The following TOX variants were observed in gnomAD, a reference collection of about 807,000 sequenced individuals.
TOX encodes thymocyte selection-associated high mobility group box protein TOX.
Under a neutral mutation model 53.7 loss-of-function variants are expected in TOX, and 11 were observed. That is an observed-to-expected ratio of 0.20 (90% CI 0.13 to 0.34). The LOEUF (loss-of-function observed/expected upper bound fraction) is 0.34. TOX is among the 10% of genes least tolerant of loss of function. The pLI is 1.00. For synonymous variants in TOX, 225 were observed against 245.3 expected, an observed-to-expected ratio of 0.92 and a Z score of 0.77; for missense variants, 570 against 664.6, an observed-to-expected ratio of 0.86 and a Z score of 1.56.
intron 1 of TOX, among the ~76,000 whole-genome samples, chr8:58,999,575 A>T (rs2129418029): frequency 6.6e-6 from 1 of 152,324 alleles, no homozygotes; most frequent in Admixed American, 6.5e-5. Flanking sequence ...TGAAATATGA[A>T]ATATGAATTA....
At position 59,090,580 on chromosome 8, in the gene TOX, T is replaced by C. The variant is rs7822038; in HGVS notation, c.102+28306A>G. Among the ~76,000 whole-genome samples, 1,445 of 152,298 alleles carry C rather than the reference T, an allele frequency of 9.5e-3. 33 individuals carry two copies. The highest frequency in any genetic ancestry group is 0.033 in the African/African-American group (1,388 of 41,542). ...GATGCTGGGAAGAGTTTGATGTAAC[T>C]TTCTTAAGGTCATGAGCTCCTCAGA... On this transcript the variant is annotated intron_variant, in intron 1 of 8. Transcript: ENST00000361421.
chr8:59,027,615 C>T (rs189667822), intron 1 of TOX, among the ~76,000 whole-genome samples: 2 of 152,256 alleles, frequency 1.3e-5, no homozygotes, highest in Admixed American at 1.3e-4. Flanking sequence ...TGTTTCCTCT[C>T]ATCATTAAGC....
intron 3 of TOX, among the ~76,000 whole-genome samples, chr8:58,904,681 T>C (rs940475264): frequency 6.6e-6 from 1 of 152,226 alleles, no homozygotes; most frequent in Non-Finnish European, 1.5e-5. Context: ...ATGACTGCAT[T>C]GTCTACTTTT....
chr8:58,813,040 G>T (rs915387899), intron 7 of TOX, among the ~76,000 whole-genome samples: 2 of 152,192 alleles, frequency 1.3e-5, no homozygotes, highest in Non-Finnish European at 2.9e-5. Context: ...TGGGTAAATT[G>T]TAATCAGGTC....
At chr8:59,014,766 G>T (rs1813978017) in intron 1 of TOX, among the ~76,000 whole-genome samples, 1 of 152,118 alleles carries the variant, frequency 6.6e-6, no homozygotes, top group African/African-American at 2.4e-5. Flanking sequence ...AATAATGGTG[G>T]TGTGAATTAT....
Position 58,851,158 on chromosome 8 carries a change from G to GTCTCTCTCTCTCTCTCTCTC in TOX, c.693+346_693+365dup, listed in dbSNP as rs560478337. ...CACCATACATCTCCTCTCTCTCTCT[G>GTCTCTCTCTCTCTCTCTCTC]TCTCTCTCTCTCTCTCTCTCTCTCT... On this transcript the variant is annotated intron_variant, in intron 4 of 8. Coordinates refer to ENST00000361421, the MANE Select transcript of TOX (RefSeq NM_014729.3). The surrounding 1 kb of genome is among the most constrained non-coding windows in gnomAD (Gnocchi z 4.4). Among the ~76,000 whole-genome samples, 20 of 118,294 alleles carry GTCTCTCTCTCTCTCTCTCTC rather than the reference G, an allele frequency of 1.7e-4. No individual in the cohort carries two copies. The highest frequency in any genetic ancestry group is 2.9e-4 in the South Asian group (1 of 3,470). 77.6% of individuals were successfully genotyped at this position (118,294 alleles called of 152,430 possible). A position where few individuals can be genotyped will look rare whatever the true frequency, so the allele number is the denominator to read the frequency against.
intron 3 of TOX, among the ~76,000 whole-genome samples, chr8:58,934,919 T>C (rs1479147450): frequency 1.3e-5 from 2 of 152,226 alleles, no homozygotes; most frequent in Non-Finnish European, 2.9e-5. Flanking sequence ...GCTGGAGTAA[T>C]TACTGACTAA....
chr8:59,065,358 T>A (rs1435392619), intron 1 of TOX, among the ~76,000 whole-genome samples: 1 of 152,152 alleles, frequency 6.6e-6, no homozygotes, highest in Non-Finnish European at 1.5e-5. Context: ...GCACGTTACT[T>A]CAGTGGTTTT....
At position 59,047,311 on chromosome 8, in the gene TOX, G is replaced by A. The variant is rs7835365; in HGVS notation, c.102+71575C>T. On this transcript the variant is annotated intron_variant, in intron 1 of 8. Transcript: ENST00000361421. Reference sequence around the variant, plus strand: ...GGCTCACTGCAAGCTCCACCTCCTGGGTTCATGCCATTCTCCTGCCTCAGC... The same window carrying A: ...GGCTCACTGCAAGCTCCACCTCCTGAGTTCATGCCATTCTCCTGCCTCAGC... 8.7e-3 allele frequency among the ~76,000 whole-genome samples: 1,298 copies of A among 148,776 alleles called. 21 individuals carry two copies. The highest frequency in any genetic ancestry group is 0.031 in the African/African-American group (1,240 of 39,732).
intron 3 of TOX, among the ~76,000 whole-genome samples, chr8:58,930,410 T>C (rs756562100): frequency 3.8e-4 from 58 of 152,364 alleles, no homozygotes; most frequent in South Asian, 1.2e-3. Context: ...TCAGGGTTTC[T>C]AGGTCCTCTT....
At chr8:59,095,611 G>T (rs1358567737) in intron 1 of TOX, among the ~76,000 whole-genome samples, 1 of 151,942 alleles carries the variant, frequency 6.6e-6, no homozygotes, top group East Asian at 1.9e-4. Context: ...TGTTGGCCAG[G>T]CTGGTCTTGA....
At chr8:59,030,221 C>T (rs969410401) in intron 1 of TOX, among the ~76,000 whole-genome samples, 5 of 152,130 alleles carry the variant, frequency 3.3e-5, no homozygotes, top group African/African-American at 4.8e-5. Flanking sequence ...TTTTTCTATG[C>T]AAACTAATTG....
chr8:58,823,956 C>A (rs903577795), intron 6 of TOX, among the ~76,000 whole-genome samples: 4 of 152,168 alleles, frequency 2.6e-5, no homozygotes, highest in African/African-American at 9.7e-5. Context: ...ATGAGTAAGT[C>A]AAAGTAGCTA....
intron 3 of TOX, among the ~76,000 whole-genome samples, chr8:58,882,023 T>C (rs1811392198): frequency 6.6e-6 from 1 of 152,256 alleles, no homozygotes. Context: ...CTCATGTCAG[T>C]AACTTCCCTC....
chr8:58,842,380 C>T (rs990736667), intron 4 of TOX, among the ~76,000 whole-genome samples: 1 of 152,158 alleles, frequency 6.6e-6, no homozygotes, highest in South Asian at 2.1e-4. Context: ...GCTCTTTGTC[C>T]TTCTGCTTTC....
rs531551264 is a variant in TOX at position 59,034,863 on chromosome 8, A to G, written c.103-74855T>C. Among the ~76,000 whole-genome samples the G allele has an allele frequency of 2.0e-5, 3 of 152,338 alleles. No homozygotes were observed. In the East Asian group the frequency reaches 5.8e-4, roughly 29 times the overall value. On this transcript the variant is annotated intron_variant, in intron 1 of 8. Coordinates refer to ENST00000361421, the MANE Select transcript of TOX (RefSeq NM_014729.3). Reference sequence around the variant, plus strand: ...CTCATTTTGTCCACACAGCAACCCTACGGGGTAGGAATGAGTATCATCCCC... The same window carrying G: ...CTCATTTTGTCCACACAGCAACCCTGCGGGGTAGGAATGAGTATCATCCCC...
chr8:58,963,314 T>TATAGATAGATAGATAG lies in TOX; in HGVS notation c.103-3322_103-3307dup, dbSNP rs1554533755. 4.6e-3 allele frequency among the ~76,000 whole-genome samples: 605 copies of TATAGATAGATAGATAG among 130,734 alleles called. 2 individuals carry two copies. Among genetic ancestry groups the TATAGATAGATAGATAG allele is most frequent in the African/African-American group, 0.014 (536 of 37,146 alleles). 85.8% of individuals were successfully genotyped at this position (130,734 alleles called of 152,430 possible). A position where few individuals can be genotyped will look rare whatever the true frequency, so the allele number is the denominator to read the frequency against. ...TAGAAGATAGATAGATAGATATATA[T>TATAGATAGATAGATAG]ATAGATAGATAGATAGATAGATAGA... On this transcript the variant is annotated intron_variant, in intron 1 of 8. Coordinates refer to ENST00000361421, the MANE Select transcript of TOX (RefSeq NM_014729.3).
At chr8:59,071,309 G>C (rs1327227727) in intron 1 of TOX, among the ~76,000 whole-genome samples, 1 of 152,120 alleles carries the variant, frequency 6.6e-6, no homozygotes, top group Admixed American at 6.5e-5. Flanking sequence ...ACACACCACA[G>C]AGCACCAACC....
At chr8:59,098,414 G>T (rs2129424234) in intron 1 of TOX, among the ~76,000 whole-genome samples, 1 of 151,198 alleles carries the variant, frequency 6.6e-6, no homozygotes, top group Admixed American at 6.6e-5. Context: ...TGGTTTTCAA[G>T]AATAAACTTC....
Sources: allele counts gnomAD v4.1 joint callset (sites outside exome capture counted in the v4.1 genomes callset), GRCh38; gene constraint gnomAD v4.1.1; non-coding constraint Gnocchi (gnomAD v3.1); transcripts MANE v1.5; gene names NCBI Gene and HGNC (gene_info 2026-07-23, HGNC 2026-07-21).